Variants in GLT8D2 observed in about 807,000 individuals in gnomAD.
GLT8D2 encodes glycosyltransferase 8 domain-containing protein 2.
Under a neutral mutation model 44.5 loss-of-function variants are expected in GLT8D2, and 45 were observed. The observed-to-expected ratio is 1.01, with a 90% CI of 0.80 to 1.30. The LOEUF (loss-of-function observed/expected upper bound fraction) is 1.30. Ranked by LOEUF, GLT8D2 falls within the 50% of genes most tolerant of loss-of-function variation. GLT8D2 has a pLI of 0.00. For missense variants in GLT8D2, 400 were observed against 430.4 expected (o/e 0.93, Z 0.62); for synonymous variants, 156 against 157.2 (o/e 0.99, Z 0.06).
intron 4 of GLT8D2, chr12:104,012,626 T>G: frequency 4.3e-6 from 2 of 470,368 alleles, no homozygotes; most frequent in Non-Finnish European, 3.7e-6. Flanking sequence ...TTTATGTGAC[T>G]TCCTTCTCTC....
At chr12:104,028,278 A>ATG (rs147867585) in intron 1 of GLT8D2, among the ~76,000 whole-genome samples, 1 of 151,966 alleles carries the variant, frequency 6.6e-6, no homozygotes, top group Admixed American at 6.6e-5. Context: ...TTAAAAAATG[A>ATG]TGTGTGTGTG....
At chr12:104,062,508 AG>A (rs756040398) in intron 1 of GLT8D2, among the ~76,000 whole-genome samples, 32 of 152,232 alleles carry the variant, frequency 2.1e-4, no homozygotes, top group Admixed American at 3.9e-4. Flanking sequence ...TGGTAAAATA[AG>A]AGGAAAAAAG....
At chr12:104,035,173 C>T (rs971512641) in intron 1 of GLT8D2, among the ~76,000 whole-genome samples, 1 of 152,168 alleles carries the variant, frequency 6.6e-6, no homozygotes, top group Non-Finnish European at 1.5e-5. Context: ...TCACCAACAT[C>T]AAAGACCAAA....
At position 104,049,219 on chromosome 12, in the gene GLT8D2, T is replaced by A. The variant is rs1881477454; in HGVS notation, c.-164+676A>T. On this transcript the variant is annotated intron_variant, in intron 1 of 10. Coordinates refer to ENST00000360814, the MANE Select transcript of GLT8D2 (RefSeq NM_001384711.1). ...CAAAGCACATCCAGACATTCAGATA[T>A]CATCATGTTTTCTTTCTCTCACTCT... Among the ~76,000 whole-genome samples, 8 of 151,480 alleles carry A rather than the reference T, an allele frequency of 5.3e-5. No individual in the cohort carries two copies. In the South Asian group the frequency reaches 1.7e-3, roughly 32 times the overall value.
chr12:103,989,682 A>G, intron 10 of GLT8D2, 105 bp from the exon 11 acceptor site: 2 of 1,032,654 alleles, frequency 1.9e-6, no homozygotes, highest in Admixed American at 5.3e-5. Context: ...AACAAATAAA[A>G]AGGTTATACA....
In GLT8D2 at chr12:103,997,172, C is replaced by T. The variant is rs549806156; in HGVS notation, c.487+279G>A. ...TTAGCTCACTCCTAAGAATGTCATCCGTGACACTTTATTTCCGTACATTAT... is the reference window on the plus strand; with the variant it reads ...TTAGCTCACTCCTAAGAATGTCATCTGTGACACTTTATTTCCGTACATTAT... On this transcript the variant is annotated intron_variant, in intron 7 of 10. Transcript: ENST00000360814. 3.3e-5 allele frequency among the ~76,000 whole-genome samples: 5 copies of T among 152,240 alleles called. No individual in the cohort carries two copies. In the East Asian group the frequency reaches 5.8e-4, roughly 18 times the overall value.
At chr12:104,058,634 T>C (rs1280689269) in intron 1 of GLT8D2, among the ~76,000 whole-genome samples, 3 of 152,184 alleles carry the variant, frequency 2.0e-5, no homozygotes, top group African/African-American at 4.8e-5. Flanking sequence ...GCCATACAAC[T>C]AGTTAAGTAG....
At chr12:104,007,269 C>CG in intron 4 of GLT8D2, among the ~76,000 whole-genome samples, 1 of 41,724 alleles carries the variant, frequency 2.4e-5, no homozygotes, top group Non-Finnish European at 5.6e-5. Flanking sequence ...TCTCTCTCCC[C>CG]CCGCTCTCTC....
Position 103,989,214 on chromosome 12 carries a change from G to T in GLT8D2, c.*194C>A. The T allele has an allele frequency of 4.8e-6, 2 of 418,874 alleles. No homozygotes were observed. Among genetic ancestry groups the T allele is most frequent in the East Asian group, 3.5e-5 (1 of 28,380 alleles). The allele number at this position is 418,874 out of a possible 1,614,324, so 25.9% of individuals were successfully genotyped here. ...CAGTCACATAATCTTGATTTCCATA[G>T]TTATCACATGTACTTAAAGAAGTTA... is the stretch of plus-strand genomic sequence containing the variant. On this transcript the variant is annotated 3_prime_UTR_variant, in exon 11 of 11. Coordinates refer to ENST00000360814, the MANE Select transcript of GLT8D2 (RefSeq NM_001384711.1).
chr12:104,043,038 G>A (rs757192949), intron 1 of GLT8D2, among the ~76,000 whole-genome samples: 13 of 152,162 alleles, frequency 8.5e-5, no homozygotes, highest in Non-Finnish European at 1.8e-4. Context: ...TTGAGGCATG[G>A]GTGCGTGAGA....
rs1420438726 is a variant in GLT8D2, at chr12:103,989,265, T to C, written c.*143A>G. The C allele has an allele frequency of 1.5e-5, 9 of 601,608 alleles. No individual in the cohort carries two copies. Among genetic ancestry groups the C allele is most frequent in the Non-Finnish European group, 2.5e-5 (9 of 356,362 alleles). 37.3% of individuals were successfully genotyped at this position (601,608 alleles called of 1,614,324 possible). A position where few individuals can be genotyped will look rare whatever the true frequency, so the allele number is the denominator to read the frequency against. ...ATCAATGCCTATATGGTCCAAGGTA[T>C]AATTTGCACACAGTAGTTTTTGGTT... On this transcript the variant is annotated 3_prime_UTR_variant, in exon 11 of 11. Transcript: ENST00000360814.
chr12:104,048,873 T>C (rs188659359), intron 1 of GLT8D2, among the ~76,000 whole-genome samples: 16 of 152,210 alleles, frequency 1.1e-4, no homozygotes, highest in African/African-American at 3.6e-4. Context: ...GTAATTTCCA[T>C]TTTACAGATG....
At chr12:104,021,944 A>G (rs3953593) in intron 1 of GLT8D2, among the ~76,000 whole-genome samples, 4,232 of 22,192 alleles carry the variant, frequency 0.19, 481 homozygotes, top group East Asian at 0.53. Flanking sequence ...AAGAAGAAGA[A>G]GAAGAAGAAG....
chr12:104,022,057 G>A lies in GLT8D2; in HGVS notation c.-163-566C>T, dbSNP rs535481864. Among the ~76,000 whole-genome samples, 36 of 90,642 alleles carry A rather than the reference G, an allele frequency of 4.0e-4. 2 individuals are homozygous for A. The highest frequency in any genetic ancestry group is 2.5e-3 in the South Asian group (7 of 2,756). 59.5% of individuals were successfully genotyped at this position (90,642 alleles called of 152,430 possible). ...GAAGAAGAAGAAGAAGAAGAAGAAG[G>A]GAAAGAAAGAAAGAAAGAAAAAAAA... On this transcript the variant is annotated intron_variant, in intron 1 of 10. Coordinates refer to ENST00000360814, the MANE Select transcript of GLT8D2 (RefSeq NM_001384711.1).
chr12:103,999,117 C>T (rs1376641608), intron 6 of GLT8D2, among the ~76,000 whole-genome samples: 1 of 152,210 alleles, frequency 6.6e-6, no homozygotes, highest in Non-Finnish European at 1.5e-5. Flanking sequence ...GGCCCTCCTC[C>T]AGCTCCCACC....
At position 103,999,510 on chromosome 12, in the gene GLT8D2, A is replaced by G. The variant is rs1214307747; in HGVS notation, c.289T>C (p.Trp97Arg). 1.3e-6 allele frequency: 2 copies of G among 1,597,324 alleles called. No homozygotes were observed. The highest frequency in any genetic ancestry group is 1.3e-5 in the African/African-American group (1 of 74,568). The change falls in exon 6 of 11, where the codon TGG becomes CGG. Residue 97 changes from tryptophan (W) to arginine (R), a missense_variant. By Grantham distance (101) the Trp-to-Arg change is moderately radical. Transcript: ENST00000360814. ...TCTCTCAGTTTGGAATGTTCAATCCATTTTCTAAAAAGATGACCAAAAAAA... is the reference window on the plus strand; with the variant it reads ...TCTCTCAGTTTGGAATGTTCAATCCGTTTTCTAAAAAGATGACCAAAAAAA... ...LRNTLTRIRKWIEHSKLREIN... is the reference protein window; with the variant it reads ...LRNTLTRIRKRIEHSKLREIN...
intron 1 of GLT8D2, among the ~76,000 whole-genome samples, chr12:104,038,631 C>T (rs1880184189): frequency 6.6e-6 from 1 of 151,532 alleles, no homozygotes; most frequent in Non-Finnish European, 1.5e-5. Flanking sequence ...AACCACTGCT[C>T]AACGAAATAA....
intron 4 of GLT8D2, chr12:104,012,475 C>G (rs965363523): frequency 4.5e-6 from 1 of 221,006 alleles, no homozygotes; most frequent in Admixed American, 5.8e-5. Context: ...TTCTTTGGAG[C>G]TGTTTTAACA....
rs568464837 is a variant in GLT8D2, at chr12:104,026,982, G to A, written c.-163-5491C>T. Among the ~76,000 whole-genome samples, 71 of 152,310 alleles carry A rather than the reference G, an allele frequency of 4.7e-4. 1 individual carries two copies. The Middle Eastern group carries it at 0.01, about 22-fold the overall frequency. ...ATAGCCCGAGGAGGTAATTGAGAAA[G>A]GAAGGATATCATAGGTCCCCACAGT... On this transcript the variant is annotated intron_variant, in intron 1 of 10. Coordinates refer to ENST00000360814, the MANE Select transcript of GLT8D2 (RefSeq NM_001384711.1).
Sources: gnomAD v4.1 joint callset for allele counts (sites outside exome capture counted in the v4.1 genomes callset) on GRCh38, gnomAD v4.1.1 for gene constraint, MANE v1.5 for transcripts, NCBI Gene and HGNC (gene_info 2026-07-23, HGNC 2026-07-21) for gene names.